The following TTN variants were observed in gnomAD, a reference collection of about 807,000 sequenced individuals.
TTN encodes connectin.
In TTN, 1,525 loss-of-function variants were observed where a neutral mutation model predicts 3,223.0. The observed-to-expected ratio is 0.47, with a 90% CI of 0.45 to 0.49. TTN has a LOEUF of 0.49. Ranked by LOEUF, TTN falls within the 20% of genes least tolerant of loss-of-function variation. The pLI is 0.00. For missense variants in TTN, 40,786 were observed against 43,424.0 expected (o/e 0.94, Z 5.40); for synonymous variants, 14,094 against 15,161.0 (o/e 0.93, Z 5.17).
chr2:178,698,891 C>CT lies in TTN; in HGVS notation c.30705dup (p.Asp10236ArgfsTer16). On this transcript the variant is annotated frameshift_variant, in exon 112 of 363. Coordinates refer to ENST00000589042, the MANE Select transcript of TTN (RefSeq NM_001267550.2). LOFTEE classifies it high-confidence loss of function. ...GGCTTTGCAACAACTTTTTTGGCAT[C>CT]TTTCTTCACAGCCTTTTTGGTAACT... 6.6e-7 allele frequency: 1 copy of CT among 1,522,698 alleles called. No homozygotes were observed. The allele number at this position is 1,522,698 out of a possible 1,614,324, so 94.3% of individuals were successfully genotyped here.
At chr2:178,732,740 G>T (rs1023125438) in intron 55 of TTN, 22 bp from the exon 56 acceptor site, 1 of 1,561,584 alleles carries the variant, frequency 6.4e-7, no homozygotes. Context: ...GTATAAGAAA[G>T]AATTTCAAAG....
intron 305 of TTN, 46 bp downstream of exon 305, chr2:178,587,853 T>A (rs758417277): frequency 6.4e-7 from 1 of 1,565,738 alleles, no homozygotes; most frequent in African/African-American, 1.4e-5. Flanking sequence ...GGGGAAATCA[T>A]AAGAAATTAA....
At position 178,770,459 on chromosome 2, in the gene TTN, C is replaced by G. The variant is rs767274457; in HGVS notation, c.8333G>C (p.Gly2778Ala). The G allele has an allele frequency of 6.2e-7, 1 of 1,614,130 alleles. No homozygotes were observed. Among genetic ancestry groups the G allele is most frequent in the Non-Finnish European group, 8.5e-7 (1 of 1,180,014 alleles). ...NCAIVDESVY[G>A]FRLGRLGASA... is the part of the protein sequence containing the mutation. ...GGCTCCAAGCCTTCCAAGCCTGAAG[C>G]CATAAACAGACTCATCCACGATGGC... The change falls in exon 35 of 363, where the codon GGC becomes GCC. Residue 2778 changes from glycine (G) to alanine (A), a missense_variant. Gly to Ala is a moderately conservative substitution (Grantham distance 60). Coordinates refer to ENST00000589042, the MANE Select transcript of TTN (RefSeq NM_001267550.2).
chr2:178,667,090 T>A, intron 162 of TTN, 146 bp downstream of exon 162: 1 of 910,178 alleles, frequency 1.1e-6, no homozygotes, highest in South Asian at 1.9e-5. Flanking sequence ...AAGTCATAGG[T>A]CATTCTTTGT....
intron 112 of TTN, among the ~76,000 whole-genome samples, 168 bp downstream of exon 112, chr2:178,698,675 G>GT (rs1365286429): frequency 6.6e-6 from 1 of 152,102 alleles, no homozygotes; most frequent in African/African-American, 2.4e-5. Flanking sequence ...GAAAAAAGGA[G>GT]TTGAGAGAGT....
In TTN at chr2:178,530,735, C is replaced by T. The variant is rs879080442; in HGVS notation, c.105880G>A (p.Ala35294Thr). The change falls in exon 358 of 363, where the codon GCA (alanine) becomes ACA (threonine). Residue 35294 changes from alanine (A) to threonine (T), a missense_variant. By Grantham distance (58) the Ala-to-Thr change is moderately conservative (BLOSUM62 0). Transcript: ENST00000589042. ...TTTGCAATCTCTTTAGAAGCTTCTG[C>T]TTTCAGGAACTGAGTAATCTTTGGT... ...APPKITQFLKAEASKEIAKLT... is the reference protein window; with the variant it reads ...APPKITQFLKTEASKEIAKLT... 3 of 1,613,782 alleles carry T rather than the reference C, an allele frequency of 1.9e-6. No individual in the cohort carries two copies. In the African/African-American group the frequency reaches 4.0e-5, roughly 22 times the overall value.
In TTN at chr2:178,539,798, G is replaced by A. The variant is rs199805060; in HGVS notation, c.98267C>T (p.Thr32756Ile). Residue 32756 changes from threonine to isoleucine, a missense_variant, in exon 352 of 363, where the codon ACA becomes ATA. Transcript: ENST00000589042. ...TTCTTTGATCACAAGCTCAGTGTGT[G>A]TTTCAGATGTTGCAATCATGGCACG... Reference protein sequence around the residue: ...SKRAMIATSETHTELVIKEAD... With the variant: ...SKRAMIATSEIHTELVIKEAD... The A allele has an allele frequency of 2.4e-4, 395 of 1,613,832 alleles. No homozygotes were observed. The African/African-American group carries it at 4.6e-3, about 19-fold the overall frequency.
At chr2:178,753,735 C>T (rs1484116) in intron 46 of TTN, 99,339 of 153,092 alleles carry the variant, frequency 0.65, 34,432 homozygotes, top group Non-Finnish European at 0.79. Flanking sequence ...CTTTTAGACA[C>T]AGTCATATCT....
chr2:178,705,337 C>A lies in TTN; in HGVS notation c.29441G>T (p.Gly9814Val). The A allele has an allele frequency of 6.3e-7, 1 of 1,595,620 alleles. No homozygotes were observed. The highest frequency in any genetic ancestry group is 8.5e-7 in the Non-Finnish European group (1 of 1,171,108). ...MLKKTPILKK[G>V]AGEEEEIDIM... The stretch of plus-strand genomic sequence containing the variant: ...ATCAATTTCCTCTTCTTCTCCAGCT[C>A]CTTTCTTTAAGATTGGAGTCCTAAA... Residue 9814 changes from glycine (G) to valine (V), a missense_variant, in exon 103 of 363, where the codon GGA becomes GTA. Coordinates refer to ENST00000589042, the MANE Select transcript of TTN (RefSeq NM_001267550.2).
intron 212 of TTN, 64 bp downstream of exon 212, chr2:178,649,490 T>A: frequency 6.7e-7 from 1 of 1,490,652 alleles, no homozygotes; most frequent in Non-Finnish European, 9.1e-7. Context: ...GGACAACTTA[T>A]TGGATTCCAC....
rs776104436 is a variant in TTN, at chr2:178,579,667, T to C, written c.67530A>G (p.Ala22510=). Residue 22510 remains alanine (A), a synonymous_variant, in exon 319 of 363, where the codon GCA becomes GCG. Coordinates refer to ENST00000589042, the MANE Select transcript of TTN (RefSeq NM_001267550.2). ...VMKSLSLQYS[A]KDLTEGKEYT... Reference sequence around the variant, plus strand: ...ATTCCTTCCCTTCAGTCAAATCTTTTGCAGAGTACTGTAGGCTTAAGGATT... The same window carrying C: ...ATTCCTTCCCTTCAGTCAAATCTTTCGCAGAGTACTGTAGGCTTAAGGATT... 6.2e-7 allele frequency: 1 copy of C among 1,613,376 alleles called. No homozygotes were observed. Among genetic ancestry groups the C allele is most frequent in the Non-Finnish European group, 8.5e-7 (1 of 1,179,522 alleles).
chr2:178,795,137 G>C lies in TTN; in HGVS notation c.1030C>G (p.Pro344Ala). The change falls in exon 7 of 363, where the codon CCT becomes GCT. Residue 344 changes from proline to alanine, a missense_variant. Pro to Ala is a conservative substitution (Grantham distance 27). Coordinates refer to ENST00000589042, the MANE Select transcript of TTN (RefSeq NM_001267550.2). Reference protein sequence around the residue: ...TVATGPEVPPPWKQEGYVASS... With the variant: ...TVATGPEVPPAWKQEGYVASS... ...GCCACGTAGCCCTCTTGCTTCCAAG[G>C]GGGAGGCACTTCAGGACCTGTGGCC... 3.1e-6 allele frequency: 5 copies of C among 1,614,144 alleles called. No individual in the cohort carries two copies. Among genetic ancestry groups the C allele is most frequent in the Non-Finnish European group, 2.5e-6 (3 of 1,180,014 alleles).
intron 126 of TTN, among the ~76,000 whole-genome samples, 185 bp from the exon 127 acceptor site, chr2:178,688,409 A>G (rs1469670462): frequency 6.6e-6 from 1 of 152,254 alleles, no homozygotes; most frequent in Non-Finnish European, 1.5e-5. Context: ...AAGACTGAGA[A>G]TGATACTTGA....
rs1060500412 is a variant in TTN at position 178,764,532 on chromosome 2, A to G, written c.9983T>C (p.Val3328Ala). The change falls in exon 42 of 363, where the codon GTG becomes GCG. Residue 3328 changes from valine (V) to alanine (A), a missense_variant. Coordinates refer to ENST00000589042, the MANE Select transcript of TTN (RefSeq NM_001267550.2). ...GVATTSASLS[V>A]EVPEVVSPDQ... The stretch of plus-strand genomic sequence containing the variant: ...AAGTAGCGAGGCATTCCTACCTTCC[A>G]CTGAGAGTGAAGCTGATGTTGTGGC... 25 of 1,613,948 alleles carry G rather than the reference A, an allele frequency of 1.5e-5. No homozygotes were observed. Among genetic ancestry groups the G allele is most frequent in the Non-Finnish European group, 2.0e-5 (24 of 1,179,986 alleles).
intron 47 of TTN, chr2:178,748,647 G>A (rs1452295529): frequency 6.2e-7 from 1 of 1,612,982 alleles, no homozygotes; most frequent in Non-Finnish European, 8.5e-7. Flanking sequence ...ACATCTGTGT[G>A]TTTTATTTGA....
Position 178,723,610 on chromosome 2 carries a change from G to C in TTN, c.21490C>G (p.Pro7164Ala), listed in dbSNP as rs927054837. ...VTFTSVIRGT[P>A]PFKVNWFRGA... ...CTGAACCAGTTGACTTTGAATGGAGGGGTTCCTCTAATAACGCTTGTGAAG... is the reference window on the plus strand; with the variant it reads ...CTGAACCAGTTGACTTTGAATGGAGCGGTTCCTCTAATAACGCTTGTGAAG... The change falls in exon 74 of 363, where the codon CCT becomes GCT. Residue 7164 changes from proline (P) to alanine (A), a missense_variant. Coordinates refer to ENST00000589042, the MANE Select transcript of TTN (RefSeq NM_001267550.2). 20 of 1,613,014 alleles carry C rather than the reference G, an allele frequency of 1.2e-5. No individual in the cohort carries two copies. Among genetic ancestry groups the C allele is most frequent in the Non-Finnish European group, 1.7e-5 (20 of 1,179,476 alleles).
chr2:178,729,976 A>G lies in TTN; in HGVS notation c.18308-31T>C, dbSNP rs746923400. 1.3e-5 allele frequency: 21 copies of G among 1,601,140 alleles called. No individual in the cohort carries two copies. The South Asian group carries it at 1.7e-4, about 13-fold the overall frequency. On this transcript the variant is annotated intron_variant, in intron 62 of 362. Coordinates refer to ENST00000589042, the MANE Select transcript of TTN (RefSeq NM_001267550.2). ...GATGGAAAAAGAATTGTGATGTTGA[A>G]TATTTTTAAAAACAGGTCACTGGGC...
rs1352413380 is a variant in TTN, at chr2:178,770,588, A to G, written c.8204T>C (p.Val2735Ala). The G allele has an allele frequency of 3.1e-6, 5 of 1,614,172 alleles. No individual in the cohort carries two copies. The highest frequency in any genetic ancestry group is 4.2e-6 in the Non-Finnish European group (5 of 1,180,010). The change falls in exon 35 of 363, where the codon GTC becomes GCC. Residue 2735 changes from valine to alanine, a missense_variant. Coordinates refer to ENST00000589042, the MANE Select transcript of TTN (RefSeq NM_001267550.2). ...VFTVELTHPN[V>A]KGVQWIKNGV... ...ATTTTTGATCCACTGGACACCTTTG[A>G]CATTAGGGTGTGTAAGCTCGACAGT...
chr2:178,684,630 A>G (rs752564430), intron 131 of TTN, 36 bp downstream of exon 131: 2 of 1,583,570 alleles, frequency 1.3e-6, no homozygotes, highest in Non-Finnish European at 1.7e-6. Context: ...GACAAGCCAT[A>G]TGTTCCTAGT....
Sources: allele counts gnomAD v4.1 joint callset (sites outside exome capture counted in the v4.1 genomes callset), GRCh38; gene constraint gnomAD v4.1.1; transcripts MANE v1.5; gene names NCBI Gene and HGNC (gene_info 2026-07-23, HGNC 2026-07-21).